TNFSF8: variants seen among roughly 807,000 people sequenced by gnomAD.
TNFSF8 encodes the protein TNF superfamily member 8, also known as tumor necrosis factor ligand superfamily member 8.
Under a neutral mutation model 22.0 loss-of-function variants are expected in TNFSF8, and 4 were observed. That is an observed-to-expected ratio of 0.18 (90% CI 0.09 to 0.42). The LOEUF (loss-of-function observed/expected upper bound fraction) is 0.42, where lower values mean the gene tolerates loss of function less well. TNFSF8 is among the 10% of genes least tolerant of loss of function. TNFSF8 has a pLI of 1.00. For synonymous variants in TNFSF8, 106 were observed against 112.5 expected (o/e 0.94, Z 0.37); for missense variants, 233 against 281.8 (o/e 0.83, Z 1.24).
chr9:114,930,359 T>G lies in TNFSF8; in HGVS notation c.-56A>C. The G allele has an allele frequency of 7.5e-7, 1 of 1,326,274 alleles. No homozygotes were observed. Among genetic ancestry groups the G allele is most frequent in the Non-Finnish European group, 9.9e-7 (1 of 1,011,354 alleles). The allele number at this position is 1,326,274 out of a possible 1,614,324, so 82.2% of individuals were successfully genotyped here. On this transcript the variant is annotated 5_prime_UTR_variant, in exon 1 of 4. Coordinates refer to ENST00000223795, the MANE Select transcript of TNFSF8 (RefSeq NM_001244.4). ...TATCTCTCTTCATCTGATTCAGTTC[T>G]GGGCCCATCTCTGTTCCAAGAAGGA... is the stretch of plus-strand genomic sequence containing the variant.
chr9:114,928,027 A>G (rs77351417), intron 1 of TNFSF8, among the ~76,000 whole-genome samples: 5,196 of 152,178 alleles, frequency 0.034, 135 homozygotes, highest in Non-Finnish European at 0.051. Flanking sequence ...ATTGAAAATG[A>G]TATGTGCAAT....
chr9:114,913,320 G>T (rs1827875031), intron 2 of TNFSF8, among the ~76,000 whole-genome samples: 1 of 152,172 alleles, frequency 6.6e-6, no homozygotes, highest in African/African-American at 2.4e-5. Flanking sequence ...TAACTGGTAG[G>T]CAGTGGGGAA....
intron 2 of TNFSF8, among the ~76,000 whole-genome samples, chr9:114,908,101 C>T (rs906522077): frequency 3.3e-5 from 5 of 152,226 alleles, no homozygotes; most frequent in African/African-American, 1.2e-4. Flanking sequence ...TTGTTTGAAA[C>T]ACAGCCTAGC....
chr9:114,916,861 A>T, intron 2 of TNFSF8, among the ~76,000 whole-genome samples: 1 of 152,176 alleles, frequency 6.6e-6, no homozygotes, highest in East Asian at 1.9e-4. Flanking sequence ...TCGTAGAAAA[A>T]GTTTGCTTAC....
Position 114,918,126 on chromosome 9 carries a change from T to C in TNFSF8, c.208A>G (p.Asn70Asp). 1 of 1,607,752 alleles carries C rather than the reference T, an allele frequency of 6.2e-7. No homozygotes were observed. The highest frequency in any genetic ancestry group is 1.1e-5 in the South Asian group (1 of 89,994). Residue 70 changes from asparagine (N) to aspartate (D), a missense_variant, in exon 2 of 4, where the codon AAC becomes GAC. Physicochemically the swap from Asn to Asp is conservative, Grantham distance 23 (BLOSUM62 1). Transcript: ENST00000223795. The part of the protein sequence containing the change: ...LVVQRTDSIP[N>D]SPDNVPLKGG... ...TTGAGGGGGACGTTGTCAGGTGAGTTGGGAATGGAGTCCTGGAAGAAAAGA... is the reference window on the plus strand; with the variant it reads ...TTGAGGGGGACGTTGTCAGGTGAGTCGGGAATGGAGTCCTGGAAGAAAAGA...
At chr9:114,900,160 C>T (rs181065560), downstream of TNFSF8, among the ~76,000 whole-genome samples, 40 of 152,262 alleles carry the variant, frequency 2.6e-4, 1 homozygote, top group African/African-American at 8.7e-4. Flanking sequence ...TAGCCTAGTG[C>T]CCTAAGAGGT....
Position 114,930,092 on chromosome 9 carries a change from A to C in TNFSF8, c.195+17T>G. ...AAACAACAAGAAAAGGAAAGGGAGG[A>C]AGAGGAGTCCACTTACCGTCCTCTG... On this transcript the variant is annotated intron_variant, in intron 1 of 3. Transcript: ENST00000223795. The C allele has an allele frequency of 6.9e-7, 1 of 1,441,566 alleles. No homozygotes were observed. The highest frequency in any genetic ancestry group is 1.5e-5 in the South Asian group (1 of 67,968). 89.3% of individuals were successfully genotyped at this position (1,441,566 alleles called of 1,614,324 possible). A position where few individuals can be genotyped will look rare whatever the true frequency, so the allele number is the denominator to read the frequency against.
chr9:114,905,699 A>G (rs1024871527), intron 3 of TNFSF8, 129 bp downstream of exon 3: 8 of 756,854 alleles, frequency 1.1e-5, no homozygotes, highest in African/African-American at 3.5e-5. Context: ...TTTCCTGCAG[A>G]CTAAACAGTA....
intron 1 of TNFSF8, among the ~76,000 whole-genome samples, chr9:114,926,993 T>C (rs967507329): frequency 4.3e-5 from 6 of 138,986 alleles, no homozygotes; most frequent in Non-Finnish European, 9.0e-5. Context: ...ATATTTATAA[T>C]ATAAAATGTT....
At chr9:114,897,076 T>G (rs1206616012), downstream of TNFSF8, among the ~76,000 whole-genome samples, 1 of 152,078 alleles carries the variant, frequency 6.6e-6, no homozygotes, top group Non-Finnish European at 1.5e-5. Context: ...CTAATTTTGA[T>G]TTTTAGTAGA....
chr9:114,907,380 T>TG (rs1827797813), intron 2 of TNFSF8, among the ~76,000 whole-genome samples: 1 of 152,176 alleles, frequency 6.6e-6, no homozygotes, highest in Admixed American at 6.5e-5. Flanking sequence ...CCCACACTCT[T>TG]GGGGTTTGTA....
At position 114,904,017 on chromosome 9, in the gene TNFSF8, T is replaced by G. The variant is rs201968233; in HGVS notation, c.619A>C (p.Asn207His). 4.0e-5 allele frequency: 64 copies of G among 1,614,112 alleles called. No individual in the cohort carries two copies. In the East Asian group the frequency reaches 1.4e-3, roughly 36 times the overall value. Reference sequence around the variant, plus strand: ...TCTATGTACTGGAATGTATCCACATTGACTGATATGGTGGTGTTGACCTGC... The same window carrying G: ...TCTATGTACTGGAATGTATCCACATGGACTGATATGGTGGTGTTGACCTGC... ...YLQVNTTISV[N>H]VDTFQYIDTS... Residue 207 changes from asparagine to histidine, a missense_variant, in exon 4 of 4, where the codon AAT (asparagine) becomes CAT (histidine). Transcript: ENST00000223795.
chr9:114,904,849 C>G (rs1026416766), intron 3 of TNFSF8, among the ~76,000 whole-genome samples: 54 of 152,280 alleles, frequency 3.5e-4, no homozygotes, highest in Admixed American at 6.5e-4. Context: ...TTGAAGATGT[C>G]CAGGAGAATC....
chr9:114,898,218 G>A (rs1211328555), downstream of TNFSF8, among the ~76,000 whole-genome samples: 2 of 152,008 alleles, frequency 1.3e-5, no homozygotes, highest in Admixed American at 1.3e-4. Flanking sequence ...TGGCCAGACT[G>A]GTCTCGAACT....
At chr9:114,913,904 G>A (rs977594559) in intron 2 of TNFSF8, among the ~76,000 whole-genome samples, 2 of 152,164 alleles carry the variant, frequency 1.3e-5, no homozygotes, top group Admixed American at 6.5e-5. Context: ...GGCCTCATAC[G>A]GATGCAATGA....
Position 114,902,119 on chromosome 9 carries a change from C to T in TNFSF8, c.*1812G>A, listed in dbSNP as rs868458216. 21 of 985,306 alleles carry T rather than the reference C, an allele frequency of 2.1e-5. No individual in the cohort carries two copies. In the Middle Eastern group the frequency reaches 5.2e-3, roughly 245 times the overall value. 61.0% of individuals were successfully genotyped at this position (985,306 alleles called of 1,614,324 possible). On this transcript the variant is annotated 3_prime_UTR_variant, in exon 4 of 4. Coordinates refer to ENST00000223795, the MANE Select transcript of TNFSF8 (RefSeq NM_001244.4). ...CTCAAACGGCTTGTCAAGGTCCTTC[C>T]ACAAATAAGATGTTCCTCCAAAGAT...
In TNFSF8 at chr9:114,918,820, C is replaced by T. The variant is rs577825122; in HGVS notation, c.196-682G>A. On this transcript the variant is annotated intron_variant, in intron 1 of 3. Transcript: ENST00000223795. The stretch of plus-strand genomic sequence containing the variant: ...TTCACCATATTGGCCAGGTTGGTCT[C>T]GAACTCCTGACCTTGTGGTCCACCC... Among the ~76,000 whole-genome samples the T allele has an allele frequency of 1.3e-3, 192 of 152,236 alleles. 2 individuals are homozygous for T. In the Middle Eastern group the frequency reaches 0.031, roughly 24 times the overall value.
intron 2 of TNFSF8, among the ~76,000 whole-genome samples, chr9:114,916,946 G>A (rs1827926689): frequency 6.6e-6 from 1 of 152,202 alleles, no homozygotes; most frequent in Non-Finnish European, 1.5e-5. Flanking sequence ...GAGGTCACAT[G>A]CTAAGTAATT....
At chr9:114,917,208 TAA>T (rs1827930329) in intron 2 of TNFSF8, among the ~76,000 whole-genome samples, 2 of 152,344 alleles carry the variant, frequency 1.3e-5, no homozygotes, top group East Asian at 3.9e-4. Flanking sequence ...GTGCCTACAT[TAA>T]CTCACTTCCT....
Sources: allele counts gnomAD v4.1 joint callset (sites outside exome capture counted in the v4.1 genomes callset), GRCh38; gene constraint gnomAD v4.1.1; transcripts MANE v1.5; gene names NCBI Gene and HGNC (gene_info 2026-07-23, HGNC 2026-07-21).